GFRA1: variants seen among roughly 807,000 people sequenced by gnomAD.
GFRA1 encodes the protein GDNF family receptor alpha 1, also known as GDNF family receptor alpha-1.
A neutral mutation model predicts 51.6 loss-of-function variants in GFRA1; 16 were observed. The observed-to-expected ratio is 0.31, with a 90% CI of 0.21 to 0.47. The LOEUF is 0.47. Ranked by LOEUF, GFRA1 falls within the 20% of genes least tolerant of loss-of-function variation. The probability of loss-of-function intolerance (pLI) is 1.00; values close to 1 mark genes in which losing one functional copy is unlikely to be tolerated. For missense variants in GFRA1, 530 were observed against 594.3 expected, an observed-to-expected ratio of 0.89 and a Z score of 1.13; for synonymous variants, 270 against 241.3, an observed-to-expected ratio of 1.12 and a Z score of -1.10.
chr10:116,067,426 TG>T (rs1279606648), intron 9 of GFRA1, among the ~76,000 whole-genome samples: 1 of 152,182 alleles, frequency 6.6e-6, no homozygotes, highest in Non-Finnish European at 1.5e-5. Flanking sequence ...GTTTCTAGAC[TG>T]GGATGCATTA....
intron 5 of GFRA1, among the ~76,000 whole-genome samples, chr10:116,152,102 G>C (rs1196305336): frequency 2.0e-5 from 3 of 152,166 alleles, no homozygotes; most frequent in Non-Finnish European, 4.4e-5. Flanking sequence ...AGGCTGATGG[G>C]GCAAGATTAG....
At chr10:116,109,554 G>A (rs1486311687) in intron 6 of GFRA1, among the ~76,000 whole-genome samples, 1 of 152,214 alleles carries the variant, frequency 6.6e-6, no homozygotes, top group Non-Finnish European at 1.5e-5. Flanking sequence ...TTGCCTCTCT[G>A]GGCACCCCTT....
intron 4 of GFRA1, among the ~76,000 whole-genome samples, chr10:116,239,317 C>T (rs1466166203): frequency 6.6e-6 from 1 of 152,156 alleles, no homozygotes; most frequent in African/African-American, 2.4e-5. Context: ...CAGTGAAATT[C>T]AAGCGGGGCT....
intron 5 of GFRA1, among the ~76,000 whole-genome samples, chr10:116,133,721 C>T (rs1958201982): frequency 6.6e-6 from 1 of 152,190 alleles, no homozygotes; most frequent in Non-Finnish European, 1.5e-5. Flanking sequence ...CACTTGGAGG[C>T]GCTGGCCTCT....
At chr10:116,084,926 TTCATA>T (rs1956027020) in intron 9 of GFRA1, among the ~76,000 whole-genome samples, 1 of 147,618 alleles carries the variant, frequency 6.8e-6, no homozygotes, top group Non-Finnish European at 1.5e-5. Context: ...ATATGACCAT[TTCATA>T]TAAGTAAGTC....
At chr10:116,174,561 C>T (rs537253866) in intron 5 of GFRA1, among the ~76,000 whole-genome samples, 8 of 152,256 alleles carry the variant, frequency 5.3e-5, no homozygotes, top group South Asian at 4.1e-4. Flanking sequence ...TTCTAGAAAT[C>T]AGAATTCTCA....
At chr10:116,159,087 A>T (rs1277295793) in intron 5 of GFRA1, among the ~76,000 whole-genome samples, 1 of 152,214 alleles carries the variant, frequency 6.6e-6, no homozygotes, top group African/African-American at 2.4e-5. Flanking sequence ...CATCCTGGCT[A>T]TATTCAACTA....
chr10:116,239,508 C>T (rs1169157895), intron 4 of GFRA1, among the ~76,000 whole-genome samples: 2 of 152,130 alleles, frequency 1.3e-5, no homozygotes, highest in African/African-American at 4.8e-5. Context: ...ATTCTACCCA[C>T]AGCAAATATT....
intron 6 of GFRA1, among the ~76,000 whole-genome samples, chr10:116,116,461 A>G (rs1250530164): frequency 6.6e-6 from 1 of 152,212 alleles, no homozygotes; most frequent in Non-Finnish European, 1.5e-5. Flanking sequence ...GCCTTCAGGT[A>G]GGTGAGGGTT....
chr10:116,077,900 A>T (rs1444830813), intron 9 of GFRA1, among the ~76,000 whole-genome samples: 1 of 152,206 alleles, frequency 6.6e-6, no homozygotes, highest in Admixed American at 6.5e-5. Flanking sequence ...TGCACAAGCG[A>T]CACTTAGTAG....
chr10:116,108,094 G>C (rs769963661), intron 6 of GFRA1, among the ~76,000 whole-genome samples: 1 of 152,088 alleles, frequency 6.6e-6, no homozygotes, highest in Non-Finnish European at 1.5e-5. Flanking sequence ...TTTCTGAATG[G>C]CTAACAACCT....
intron 5 of GFRA1, among the ~76,000 whole-genome samples, chr10:116,128,864 A>T (rs1018471542): frequency 2.0e-5 from 3 of 151,956 alleles, no homozygotes; most frequent in Non-Finnish European, 4.4e-5. Flanking sequence ...TATTTTTTTT[A>T]AAAAGGCTTT....
intron 5 of GFRA1, among the ~76,000 whole-genome samples, chr10:116,187,171 T>G (rs1962803041): frequency 6.6e-6 from 1 of 152,238 alleles, no homozygotes; most frequent in African/African-American, 2.4e-5. Flanking sequence ...CTTGCATCAG[T>G]TAATAAAAGC....
At chr10:116,193,706 C>A (rs755750342) in intron 5 of GFRA1, among the ~76,000 whole-genome samples, 4 of 152,102 alleles carry the variant, frequency 2.6e-5, no homozygotes, top group Non-Finnish European at 4.4e-5. Context: ...AACCTGCCTC[C>A]CCAGATTACC....
Position 116,115,152 on chromosome 10 carries a change from G to A in GFRA1, c.770+10069C>T, listed in dbSNP as rs1484539215. ...TTTCCTGCATAATTAATTGCCTTTG[G>A]AAATGACGAGCAATTTCCCATTCAC... On this transcript the variant is annotated intron_variant, in intron 6 of 10. Coordinates refer to ENST00000355422, the MANE Select transcript of GFRA1 (RefSeq NM_005264.8). 2.6e-5 allele frequency among the ~76,000 whole-genome samples: 4 copies of A among 152,140 alleles called. 1 individual carries two copies. Among genetic ancestry groups the A allele is most frequent in the South Asian group, 4.1e-4 (2 of 4,834 alleles).
At chr10:116,274,663 G>A (rs1844153879), upstream of GFRA1, among the ~76,000 whole-genome samples, 1 of 152,154 alleles carries the variant, frequency 6.6e-6, no homozygotes, top group Non-Finnish European at 1.5e-5. Context: ...CTACGGATCC[G>A]CACTTCTCTT....
chr10:116,165,872 C>T (rs28599471), intron 5 of GFRA1, among the ~76,000 whole-genome samples: 150,711 of 152,332 alleles, frequency 0.99, 74,571 homozygotes, highest in East Asian at 1. Flanking sequence ...ATGGGGTTTG[C>T]TGTACAGATT....
At chr10:116,208,575 C>G (rs1964957167) in intron 5 of GFRA1, among the ~76,000 whole-genome samples, 1 of 152,172 alleles carries the variant, frequency 6.6e-6, no homozygotes, top group South Asian at 2.1e-4. Flanking sequence ...CCTCTCTGGG[C>G]TCAGAGTCTT....
intron 5 of GFRA1, among the ~76,000 whole-genome samples, chr10:116,181,356 G>A (rs573629176): frequency 6.6e-6 from 1 of 152,198 alleles, no homozygotes; most frequent in South Asian, 2.1e-4. Flanking sequence ...GCACCCACAG[G>A]ACCACGAAGG....
Sources: allele counts gnomAD v4.1 joint callset (sites outside exome capture counted in the v4.1 genomes callset), GRCh38; gene constraint gnomAD v4.1.1; transcripts MANE v1.5; gene names NCBI Gene and HGNC (gene_info 2026-07-23, HGNC 2026-07-21).